MALRD1: variants seen among roughly 807,000 people sequenced by gnomAD.
The protein encoded by MALRD1 is MAM and LDL receptor class A domain containing 1, also known as MAM and LDL-receptor class A domain-containing protein 1.
MALRD1 carries 247 observed loss-of-function variants against 242.1 expected under a neutral mutation model. The observed-to-expected ratio is 1.02, with a 90% CI of 0.92 to 1.13. MALRD1 has a LOEUF of 1.13. Among genes scored for constraint, MALRD1 ranks in the 50% most tolerant of loss-of-function variants. The probability of loss-of-function intolerance (pLI) is 0.00; values close to 1 mark genes in which losing one functional copy is unlikely to be tolerated. For missense variants in MALRD1, 2,989 were observed against 2,533.1 expected, an observed-to-expected ratio of 1.18 and a Z score of -3.86; for synonymous variants, 995 against 866.6, an observed-to-expected ratio of 1.15 and a Z score of -2.60.
At chr10:19,241,348 C>G (rs983345245) in intron 18 of MALRD1, among the ~76,000 whole-genome samples, 2 of 152,048 alleles carry the variant, frequency 1.3e-5, no homozygotes, top group South Asian at 2.1e-4. Flanking sequence ...TCTACATTAT[C>G]AAATTTGTTG....
At chr10:19,238,431 A>AT (rs1838535639) in intron 18 of MALRD1, among the ~76,000 whole-genome samples, 1 of 82,990 alleles carries the variant, frequency 1.2e-5, no homozygotes. Context: ...TACATTATAT[A>AT]TAATATATAA....
chr10:19,719,234 A>ATG (rs1834611776), intron 38 of MALRD1, among the ~76,000 whole-genome samples: 1 of 126,578 alleles, frequency 7.9e-6, no homozygotes, highest in East Asian at 2.2e-4. Flanking sequence ...ATATATATAT[A>ATG]TATATATATA....
chr10:19,648,139 T>TACCA (rs1840727086), intron 36 of MALRD1, among the ~76,000 whole-genome samples: 1 of 152,158 alleles, frequency 6.6e-6, no homozygotes, highest in Admixed American at 6.5e-5. Context: ...CCTCAAGGGT[T>TACCA]ACCAGAGAGA....
At chr10:19,155,480 A>G (rs765984482) in intron 12 of MALRD1, among the ~76,000 whole-genome samples, 3 of 152,224 alleles carry the variant, frequency 2.0e-5, no homozygotes, top group Non-Finnish European at 2.9e-5. Context: ...GTGTACATTG[A>G]GAAAAATAAA....
In MALRD1 at chr10:19,056,204, GT is replaced by G. The variant is rs940210717; in HGVS notation, c.199+7076del. 2.8e-3 allele frequency among the ~76,000 whole-genome samples: 426 copies of G among 151,212 alleles called. 5 individuals are homozygous for G. The highest frequency in any genetic ancestry group is 0.014 in the Middle Eastern group (4 of 294). ...CTTTTGTGATTTCATATGGATTTAA[GT>G]TTTTTTTTCTATTTCTGTGAAAATT... On this transcript the variant is annotated intron_variant, in intron 1 of 39. Coordinates refer to ENST00000454679, the MANE Select transcript of MALRD1 (RefSeq NM_001142308.3).
chr10:19,379,578 T>G (rs10740881), intron 26 of MALRD1, among the ~76,000 whole-genome samples: 132,666 of 152,030 alleles, frequency 0.87, 58,112 homozygotes, highest in African/African-American at 0.92. Flanking sequence ...CAAATATTTG[T>G]GTGATTTTTC....
chr10:19,671,983 G>A (rs1269287813), intron 36 of MALRD1, among the ~76,000 whole-genome samples: 2 of 151,494 alleles, frequency 1.3e-5, no homozygotes, highest in South Asian at 2.1e-4. Flanking sequence ...TAACCAACTA[G>A]AGTGTCCACA....
chr10:19,232,593 A>T (rs1838131442), intron 18 of MALRD1, among the ~76,000 whole-genome samples: 1 of 152,272 alleles, frequency 6.6e-6, no homozygotes, highest in African/African-American at 2.4e-5. Context: ...GTGAAGTGAG[A>T]TTGTTATCTA....
intron 33 of MALRD1, among the ~76,000 whole-genome samples, chr10:19,593,651 C>G (rs1053922076): frequency 6.6e-6 from 1 of 152,114 alleles, no homozygotes; most frequent in African/African-American, 2.4e-5. Context: ...CAATTAGTTC[C>G]GTTCTATATG....
intron 33 of MALRD1, among the ~76,000 whole-genome samples, chr10:19,592,194 A>T (rs1257541097): frequency 6.6e-6 from 1 of 152,212 alleles, no homozygotes; most frequent in Non-Finnish European, 1.5e-5. Context: ...TCCAAATCAG[A>T]GATTTCTTAG....
At chr10:19,301,528 A>G (rs1173907079) in intron 21 of MALRD1, among the ~76,000 whole-genome samples, 1 of 151,956 alleles carries the variant, frequency 6.6e-6, no homozygotes, top group African/African-American at 2.4e-5. Flanking sequence ...AACACTATGC[A>G]GCCATAGAGA....
chr10:19,225,542 G>T (rs977627632), intron 18 of MALRD1, among the ~76,000 whole-genome samples: 1 of 151,898 alleles, frequency 6.6e-6, no homozygotes, highest in Non-Finnish European at 1.5e-5. Flanking sequence ...TACCAATATT[G>T]CTATGATTAT....
chr10:19,719,233 T>TACACATACATAC (rs1441655459), intron 38 of MALRD1, among the ~76,000 whole-genome samples: 1,924 of 110,462 alleles, frequency 0.017, 81 homozygotes, highest in Non-Finnish European at 0.027. Flanking sequence ...CATATATATA[T>TACACATACATAC]ATATATATAT....
intron 24 of MALRD1, among the ~76,000 whole-genome samples, chr10:19,337,651 T>C (rs920241524): frequency 1.7e-4 from 26 of 152,196 alleles, no homozygotes; most frequent in African/African-American, 6.3e-4. Context: ...TCTTAAATCA[T>C]TATCAAATAT....
chr10:19,668,644 A>C (rs932082172), intron 36 of MALRD1, among the ~76,000 whole-genome samples: 8 of 152,210 alleles, frequency 5.3e-5, no homozygotes, highest in Non-Finnish European at 8.8e-5. Flanking sequence ...GCAGAGTTAG[A>C]ATATATACCT....
At position 19,091,506 on chromosome 10, in the gene MALRD1, G is replaced by A. The variant is rs966597975; in HGVS notation, c.597+3321G>A. Among the ~76,000 whole-genome samples the A allele has an allele frequency of 1.4e-3, 41 of 29,958 alleles. 5 individuals carry two copies. In the East Asian group the frequency reaches 0.033, roughly 24 times the overall value. The allele number at this position is 29,958 out of a possible 152,430, so 19.7% of individuals were successfully genotyped here. ...TTTTTCTTTATTAGTCTTGCTAGCG[G>A]TCTATCAATTTTGTTGATCCTTTCA... is the stretch of plus-strand genomic sequence containing the variant. On this transcript the variant is annotated intron_variant, in intron 4 of 39. Transcript: ENST00000454679.
At chr10:19,698,953 A>G (rs776917498) in intron 38 of MALRD1, among the ~76,000 whole-genome samples, 9 of 152,122 alleles carry the variant, frequency 5.9e-5, no homozygotes, top group Non-Finnish European at 1.3e-4. Flanking sequence ...ACAGAAAACC[A>G]AACACCGCAT....
chr10:19,573,048 G>C (rs1173994491), intron 33 of MALRD1, among the ~76,000 whole-genome samples: 1 of 152,160 alleles, frequency 6.6e-6, no homozygotes, highest in African/African-American at 2.4e-5. Context: ...CTATTTTATA[G>C]TCAAGAACTG....
intron 36 of MALRD1, among the ~76,000 whole-genome samples, chr10:19,684,099 C>G (rs1842479877): frequency 6.6e-6 from 1 of 152,122 alleles, no homozygotes; most frequent in Admixed American, 6.5e-5. Context: ...ATCCACGTTC[C>G]TGAAAAGGAC....
Sources: gnomAD v4.1 joint callset for allele counts (sites outside exome capture counted in the v4.1 genomes callset) on GRCh38, gnomAD v4.1.1 for gene constraint, MANE v1.5 for transcripts, NCBI Gene and HGNC (gene_info 2026-07-23, HGNC 2026-07-21) for gene names.